Variants in PAQR8 observed in about 807,000 individuals in gnomAD.
The protein encoded by PAQR8 is membrane progestin receptor beta.
A neutral mutation model predicts 25.2 loss-of-function variants in PAQR8; 17 were observed. That is an observed-to-expected ratio of 0.67 (90% CI 0.46 to 1.01). The LOEUF (loss-of-function observed/expected upper bound fraction) is 1.01, where lower values mean the gene tolerates loss of function less well. PAQR8 is among the 50% of genes least tolerant of loss of function. The pLI, the probability that PAQR8 is intolerant of heterozygous loss-of-function variation, is 0.00. For synonymous variants in PAQR8, 204 were observed against 190.6 expected, an observed-to-expected ratio of 1.07 and a Z score of -0.58; for missense variants, 392 against 448.4, an observed-to-expected ratio of 0.87 and a Z score of 1.14.
At chr6:52,379,619 C>CTTTTTTTTT (rs909812638) in intron 1 of PAQR8, among the ~76,000 whole-genome samples, 24 of 77,234 alleles carry the variant, frequency 3.1e-4, no homozygotes, top group Non-Finnish European at 4.5e-4. Flanking sequence ...ACCCAGCTTT[C>CTTTTTTTTT]TTTTTTTTTT....
chr6:52,380,727 G>A (rs148844926), intron 1 of PAQR8, among the ~76,000 whole-genome samples: 58 of 152,214 alleles, frequency 3.8e-4, no homozygotes, highest in African/African-American at 1.3e-3. Flanking sequence ...ACTTAAAGAG[G>A]GCAGCTTAAA....
Position 52,403,150 on chromosome 6 carries a change from TC to T in PAQR8, c.-52-11del, listed in dbSNP as rs1763856020. ...CACTGCGGCTTTGCCAATTTTCCTT[TC>T]TTTTCTGCAGGTTGCATACCCTGTC... On this transcript the variant is annotated splice_polypyrimidine_tract_variant and intron_variant, in intron 1 of 1. Coordinates refer to ENST00000442253, the MANE Select transcript of PAQR8 (RefSeq NM_133367.5). 4.2e-6 allele frequency: 6 copies of T among 1,426,206 alleles called. No homozygotes were observed. The Admixed American group carries it at 1.4e-4, about 33-fold the overall frequency. The allele number at this position is 1,426,206 out of a possible 1,614,324, so 88.3% of individuals were successfully genotyped here. A position where few individuals can be genotyped will look rare whatever the true frequency, so the allele number is the denominator to read the frequency against.
chr6:52,403,584 C>T lies in PAQR8; in HGVS notation c.371C>T (p.Thr124Ile), dbSNP rs748964377. 11 of 1,614,132 alleles carry T rather than the reference C, an allele frequency of 6.8e-6. No individual in the cohort carries two copies. Among genetic ancestry groups the T allele is most frequent in the Non-Finnish European group, 9.3e-6 (11 of 1,180,038 alleles). Residue 124 changes from threonine (T) to isoleucine (I), a missense_variant, in exon 2 of 2, where the codon ACC (threonine) becomes ATC (isoleucine). Coordinates refer to ENST00000442253, the MANE Select transcript of PAQR8 (RefSeq NM_133367.5). ...ATCCTGTCGTCAATCACTTACCTCA[C>T]CTGCAGCCTTCTGGCCCACCTGCTG... is the stretch of plus-strand genomic sequence containing the variant. ...LFILSSITYL[T>I]CSLLAHLLQS...
intron 1 of PAQR8, among the ~76,000 whole-genome samples, chr6:52,375,092 A>C (rs184468422): frequency 3.3e-5 from 5 of 152,194 alleles, no homozygotes; most frequent in Admixed American, 3.3e-4. Context: ...AGTGGGAAAA[A>C]CAGTAGACGA....
At chr6:52,402,903 C>G (rs1350665608) in intron 1 of PAQR8, among the ~76,000 whole-genome samples, 1 of 152,098 alleles carries the variant, frequency 6.6e-6, no homozygotes, top group Non-Finnish European at 1.5e-5. Context: ...TAGCGACACC[C>G]CTGTCTCTAC....
intron 1 of PAQR8, among the ~76,000 whole-genome samples, chr6:52,375,689 G>A (rs6458837): frequency 1 from 151,510 of 152,166 alleles, 75,434 homozygotes; most frequent in Middle Eastern, 1. Flanking sequence ...ATTTTTATGT[G>A]TTTATTTATT....
chr6:52,400,971 C>T (rs1036790085), intron 1 of PAQR8, among the ~76,000 whole-genome samples: 1 of 152,152 alleles, frequency 6.6e-6, no homozygotes, highest in Non-Finnish European at 1.5e-5. Flanking sequence ...GGGCAGAGTG[C>T]TAAGCACTTC....
intron 1 of PAQR8, among the ~76,000 whole-genome samples, chr6:52,402,896 C>T (rs1037797883): frequency 1.3e-5 from 2 of 152,038 alleles, no homozygotes; most frequent in African/African-American, 2.4e-5. Context: ...CTGTACATAG[C>T]GACACCCCTG....
In PAQR8 at chr6:52,404,259, T is replaced by G; in HGVS notation, c.1046T>G (p.Leu349Arg). Residue 349 changes from leucine (L) to arginine (R), a missense_variant, in exon 2 of 2, where the codon CTG (leucine) becomes CGG (arginine). By Grantham distance (102) the Leu-to-Arg change is moderately radical. Transcript: ENST00000442253. ...ALLRHKVKAR[L>R]TKKDS is the part of the protein sequence containing the mutation. Reference sequence around the variant, plus strand: ...CTGAGGCACAAAGTCAAGGCCAGACTGACCAAGAAAGATTCCTGAGGCTGG... The same window carrying G: ...CTGAGGCACAAAGTCAAGGCCAGACGGACCAAGAAAGATTCCTGAGGCTGG... 1 of 1,591,438 alleles carries G rather than the reference T, an allele frequency of 6.3e-7. No individual in the cohort carries two copies. Among genetic ancestry groups the G allele is most frequent in the Non-Finnish European group, 8.6e-7 (1 of 1,162,380 alleles).
In PAQR8 at chr6:52,406,677, C is replaced by A; in HGVS notation, c.*2399C>A. On this transcript the variant is annotated 3_prime_UTR_variant, in exon 2 of 2. Coordinates refer to ENST00000442253, the MANE Select transcript of PAQR8 (RefSeq NM_133367.5). ...TCCCCAGCTCAAGCAATCCTCCCAC[C>A]TCAGCCTCCTAAGTACCTGGTACTA... The A allele has an allele frequency of 2.5e-6, 1 of 404,796 alleles. No homozygotes were observed. Among genetic ancestry groups the A allele is most frequent in the Non-Finnish European group, 4.4e-6 (1 of 225,242 alleles). The allele number at this position is 404,796 out of a possible 1,614,324, so 25.1% of individuals were successfully genotyped here. A position where few individuals can be genotyped will look rare whatever the true frequency, so the allele number is the denominator to read the frequency against.
intron 1 of PAQR8, among the ~76,000 whole-genome samples, chr6:52,364,173 T>G (rs373881475): frequency 2.6e-4 from 38 of 143,894 alleles, no homozygotes; most frequent in African/African-American, 9.7e-4. Context: ...CACTGAGATT[T>G]GAGCTTCATT....
At chr6:52,389,782 G>A (rs6905431) in intron 1 of PAQR8, among the ~76,000 whole-genome samples, 99,044 of 152,106 alleles carry the variant, frequency 0.65, 32,616 homozygotes, top group African/African-American at 0.74. Context: ...ATTTTCTGCT[G>A]TGGAAAGGGC....
intron 1 of PAQR8, among the ~76,000 whole-genome samples, chr6:52,401,538 G>A (rs1763829822): frequency 6.6e-6 from 1 of 152,166 alleles, no homozygotes; most frequent in Admixed American, 6.5e-5. Flanking sequence ...AATTCACCGA[G>A]TGCAGTTTTA....
intron 1 of PAQR8, among the ~76,000 whole-genome samples, chr6:52,370,975 G>T (rs534891601): frequency 6.6e-6 from 1 of 152,128 alleles, no homozygotes; most frequent in Non-Finnish European, 1.5e-5. Flanking sequence ...TTTTTCAAGG[G>T]TCTACTTTAC....
chr6:52,367,155 G>C (rs745676377), intron 1 of PAQR8, among the ~76,000 whole-genome samples: 8 of 152,166 alleles, frequency 5.3e-5, no homozygotes, highest in Non-Finnish European at 1.2e-4. Flanking sequence ...CCTGGAGGGG[G>C]AGGGATGTTA....
Position 52,406,750 on chromosome 6 carries a change from A to G in PAQR8, c.*2472A>G. ...GCTAATTTTTGCATTTTTTGTAGAG[A>G]CAGGGTTTTGCCACGTTGCTTAGGC... On this transcript the variant is annotated 3_prime_UTR_variant, in exon 2 of 2. Coordinates refer to ENST00000442253, the MANE Select transcript of PAQR8 (RefSeq NM_133367.5). The G allele has an allele frequency of 2.5e-6, 1 of 394,880 alleles. No individual in the cohort carries two copies. Among genetic ancestry groups the G allele is most frequent in the Admixed American group, 4.5e-5 (1 of 22,144 alleles). The allele number at this position is 394,880 out of a possible 1,614,324, so 24.5% of individuals were successfully genotyped here.
chr6:52,372,361 A>G (rs1009521379), intron 1 of PAQR8, among the ~76,000 whole-genome samples: 14 of 152,198 alleles, frequency 9.2e-5, no homozygotes, highest in African/African-American at 3.1e-4. Flanking sequence ...ATAATGATCA[A>G]CTTATTGTTA....
chr6:52,378,466 C>T (rs1316948091), intron 1 of PAQR8, among the ~76,000 whole-genome samples: 2 of 152,180 alleles, frequency 1.3e-5, no homozygotes, highest in Non-Finnish European at 2.9e-5. Context: ...CCAGATATAA[C>T]AAAATTTTGT....
chr6:52,373,346 T>C (rs13217364), intron 1 of PAQR8, among the ~76,000 whole-genome samples: 9,764 of 152,290 alleles, frequency 0.064, 433 homozygotes, highest in South Asian at 0.12. Context: ...GAAAAGGACT[T>C]AATAGAAAAT....
Sources: allele counts gnomAD v4.1 joint callset (sites outside exome capture counted in the v4.1 genomes callset), GRCh38; gene constraint gnomAD v4.1.1; transcripts MANE v1.5; gene names NCBI Gene and HGNC (gene_info 2026-07-23, HGNC 2026-07-21).